The following ADAMTS7 variants were observed in gnomAD, a reference collection of about 807,000 sequenced individuals.
ADAMTS7 encodes the protein A disintegrin and metalloproteinase with thrombospondin motifs 7.
ADAMTS7 carries 89 observed loss-of-function variants against 172.6 expected under a neutral mutation model. That is an observed-to-expected ratio of 0.52 (90% CI 0.43 to 0.61). ADAMTS7 has a LOEUF of 0.61. Ranked by LOEUF, ADAMTS7 falls within the 20% of genes least tolerant of loss-of-function variation. The pLI, the probability that ADAMTS7 is intolerant of heterozygous loss-of-function variation, is 0.00. For missense variants in ADAMTS7, 1,973 were observed against 2,355.6 expected (o/e 0.84, Z 3.36); for synonymous variants, 885 against 978.4 (o/e 0.90, Z 1.78).
At chr15:78,803,140 T>C (rs1248310017) in intron 1 of ADAMTS7, among the ~76,000 whole-genome samples, 2 of 151,340 alleles carry the variant, frequency 1.3e-5, no homozygotes, top group African/African-American at 4.9e-5. Context: ...GATGGGAGGA[T>C]CACTTGAGCC....
chr15:78,780,509 G>A (rs1028523643), intron 8 of ADAMTS7, among the ~76,000 whole-genome samples: 1 of 151,876 alleles, frequency 6.6e-6, no homozygotes, highest in Non-Finnish European at 1.5e-5. Context: ...TGGCTTTGAG[G>A]AAAGCAGGGA....
In ADAMTS7 at chr15:78,764,591, C is replaced by T. The variant is rs1342050705; in HGVS notation, c.4383G>A (p.Arg1461=). The part of the protein sequence containing the change: ...RPQPARRCHL[R]PCATWHSGNW... The stretch of plus-strand genomic sequence containing the variant: ...TGCCTGAGTGCCAGGTGGCACAGGG[C>T]CGCAGGTGGCAGCGGCGGGCAGGCT... The change falls in exon 20 of 24, where the codon CGG becomes CGA. Residue 1461 remains arginine, a synonymous_variant. Coordinates refer to ENST00000388820, the MANE Select transcript of ADAMTS7 (RefSeq NM_014272.5). The T allele has an allele frequency of 2.8e-5, 43 of 1,559,598 alleles. No individual in the cohort carries two copies. In the Admixed American group the frequency reaches 7.6e-4, roughly 28 times the overall value.
At chr15:78,786,502 G>T (rs756926135) in intron 8 of ADAMTS7, among the ~76,000 whole-genome samples, 1 of 152,176 alleles carries the variant, frequency 6.6e-6, no homozygotes, top group Non-Finnish European at 1.5e-5. Flanking sequence ...TACTTCAAAT[G>T]CAGAAAGAAG....
intron 1 of ADAMTS7, among the ~76,000 whole-genome samples, chr15:78,804,097 G>A (rs576060404): frequency 3.9e-5 from 6 of 152,306 alleles, no homozygotes; most frequent in African/African-American, 1.4e-4. Context: ...CTGGCCTAGA[G>A]CCACACAGTA....
chr15:78,795,261 G>A (rs1472169194), intron 4 of ADAMTS7, among the ~76,000 whole-genome samples: 1 of 152,232 alleles, frequency 6.6e-6, no homozygotes, highest in Non-Finnish European at 1.5e-5. Flanking sequence ...GCTGAACCCT[G>A]GCTGTTAGTG....
intron 2 of ADAMTS7, among the ~76,000 whole-genome samples, chr15:78,798,697 G>A: frequency 6.6e-6 from 1 of 152,216 alleles, no homozygotes; most frequent in African/African-American, 2.4e-5. Flanking sequence ...GCTGGCAGGA[G>A]TGTCTTGGAC....
intron 23 of ADAMTS7, 138 bp downstream of exon 23, chr15:78,762,265 T>C: frequency 8.9e-7 from 1 of 1,127,696 alleles, no homozygotes; most frequent in Non-Finnish European, 1.2e-6. Flanking sequence ...GGATTTTCAG[T>C]GGCCATGTGG....
chr15:78,793,766 T>C (rs1418835889), intron 4 of ADAMTS7, among the ~76,000 whole-genome samples: 6 of 152,144 alleles, frequency 3.9e-5, no homozygotes, highest in African/African-American at 9.7e-5. Flanking sequence ...CGAGGGAACA[T>C]CTGTTCCCCA....
intron 1 of ADAMTS7, among the ~76,000 whole-genome samples, chr15:78,804,054 G>T (rs1193231277): frequency 6.6e-6 from 1 of 152,182 alleles, no homozygotes; most frequent in Non-Finnish European, 1.5e-5. Context: ...TCCTAGGTGA[G>T]ACAGCAAAGG....
At chr15:78,762,193 G>T in intron 23 of ADAMTS7, 1 of 771,336 alleles carries the variant, frequency 1.3e-6, no homozygotes, top group Non-Finnish European at 1.6e-6. Context: ...TTGTGTGGCC[G>T]GGACTCCCCT....
chr15:78,783,679 A>G (rs1254324739), intron 8 of ADAMTS7, among the ~76,000 whole-genome samples: 1 of 152,232 alleles, frequency 6.6e-6, no homozygotes, highest in Admixed American at 6.5e-5. Context: ...CATGTAAGTA[A>G]TAACCTCGCA....
In ADAMTS7 at chr15:78,791,147, T is replaced by C; in HGVS notation, c.896A>G (p.Asp299Gly). Reference sequence around the variant, plus strand: ...GACCACATGACCACTCACCTCCTCATCTTCCAGCAGGACCAGGCGCACAAT... The same window carrying C: ...GACCACATGACCACTCACCTCCTCACCTTCCAGCAGGACCAGGCGCACAAT... ...ITIVRLVLLE[D>G]EEEDLKITHH... is the part of the protein sequence containing the mutation. Residue 299 changes from aspartate (D) to glycine (G), a missense_variant, in exon 5 of 24, where the codon GAT becomes GGT. By Grantham distance (94) the Asp-to-Gly change is moderately conservative. Transcript: ENST00000388820. 1 of 1,613,118 alleles carries C rather than the reference T, an allele frequency of 6.2e-7. No homozygotes were observed. Among genetic ancestry groups the C allele is most frequent in the Non-Finnish European group, 8.5e-7 (1 of 1,179,518 alleles).
Position 78,777,517 on chromosome 15 carries a change from C to T in ADAMTS7, c.1394G>A (p.Gly465Asp). Residue 465 changes from glycine (G) to aspartate (D), a missense_variant, in exon 9 of 24, where the codon GGC (glycine) becomes GAC (aspartate). Gly to Asp is a moderately conservative substitution (Grantham distance 94). Around this residue, in one of 8 missense-constraint regions of ADAMTS7, gnomAD observed 526 missense variants for 662.9 expected, o/e 0.79. Coordinates refer to ENST00000388820, the MANE Select transcript of ADAMTS7 (RefSeq NM_014272.5). ...DIIDFPSVPP[G>D]VLYDVSHQCR... is the part of the protein sequence containing the mutation. ...CTGGTGGCTTACATCATAGAGGACG[C>T]CAGGTGGCACCGAGGGGAAGTCGAT... The T allele has an allele frequency of 6.2e-7, 1 of 1,611,414 alleles. No homozygotes were observed. The highest frequency in any genetic ancestry group is 8.5e-7 in the Non-Finnish European group (1 of 1,178,940).
intron 4 of ADAMTS7, among the ~76,000 whole-genome samples, chr15:78,794,028 C>T (rs751969623): frequency 2.5e-4 from 38 of 151,906 alleles, no homozygotes; most frequent in Non-Finnish European, 5.1e-4. Flanking sequence ...TTTGGGAGGA[C>T]GAGGCGGGCA....
chr15:78,790,693 A>T lies in ADAMTS7; in HGVS notation c.1005T>A (p.His335Gln), dbSNP rs1042749173. Residue 335 changes from histidine (H) to glutamine (Q), a missense_variant, in exon 6 of 24, where the codon CAT (histidine) becomes CAA (glutamine). Around this residue, in one of 8 missense-constraint regions of ADAMTS7, gnomAD observed 526 missense variants for 662.9 expected, o/e 0.79. Coordinates refer to ENST00000388820, the MANE Select transcript of ADAMTS7 (RefSeq NM_014272.5). The part of the protein sequence containing the change: ...NMKGDAHPLH[H>Q]DTAILLTRKD... The stretch of plus-strand genomic sequence containing the variant: ...ACCTGGTGAGCAGGATGGCAGTGTC[A>T]TGGTGCAGGGGATGGGCATCCCCCT... 2.5e-6 allele frequency: 4 copies of T among 1,613,778 alleles called. No individual in the cohort carries two copies. The highest frequency in any genetic ancestry group is 1.3e-5 in the African/African-American group (1 of 74,914).
At chr15:78,805,999 G>C (rs1268310712) in intron 1 of ADAMTS7, among the ~76,000 whole-genome samples, 1 of 150,960 alleles carries the variant, frequency 6.6e-6, no homozygotes, top group East Asian at 1.9e-4. Context: ...AGGATTACTT[G>C]AGCCTGGGAG....
chr15:78,763,802 G>C lies in ADAMTS7; in HGVS notation c.4637C>G (p.Thr1546Ser). 2 of 1,584,618 alleles carry C rather than the reference G, an allele frequency of 1.3e-6. No individual in the cohort carries two copies. Among genetic ancestry groups the C allele is most frequent in the Non-Finnish European group, 1.7e-6 (2 of 1,167,850 alleles). Residue 1546 changes from threonine (T) to serine (S), a missense_variant, in exon 22 of 24, where the codon ACC becomes AGC. Thr to Ser is a moderately conservative substitution (Grantham distance 58). Coordinates refer to ENST00000388820, the MANE Select transcript of ADAMTS7 (RefSeq NM_014272.5). ...CTCGCAGAGGCCTGGCTCCGGGCAG[G>C]TCACTAGACGCTGCTGCTCACCACC... ...CGGGEQQRLV[T>S]CPEPGLCEEA...
intron 20 of ADAMTS7, 124 bp downstream of exon 20, chr15:78,764,431 C>G (rs1596171377): frequency 7.9e-7 from 1 of 1,271,236 alleles, no homozygotes; most frequent in East Asian, 2.6e-5. Context: ...CCGGTGTGAT[C>G]GGGCACACAG....
intron 8 of ADAMTS7, among the ~76,000 whole-genome samples, chr15:78,779,202 G>T (rs927070574): frequency 6.6e-6 from 1 of 152,170 alleles, no homozygotes; most frequent in Non-Finnish European, 1.5e-5. Flanking sequence ...CTCTAACATG[G>T]GCGTTGGCAG....
Sources: allele counts gnomAD v4.1 joint callset (sites outside exome capture counted in the v4.1 genomes callset), GRCh38; gene constraint gnomAD v4.1.1; regional missense constraint gnomAD v4.1.1; transcripts MANE v1.5; gene names NCBI Gene and HGNC (gene_info 2026-07-23, HGNC 2026-07-21).